The following ASAH1 variants were observed in gnomAD, a reference collection of about 807,000 sequenced individuals.
The protein encoded by ASAH1 is acid ceramidase.
In ASAH1, 70 loss-of-function variants were observed where a neutral mutation model predicts 59.5. That is an observed-to-expected ratio of 1.18 (90% confidence interval 0.97 to 1.43). ASAH1 has a LOEUF of 1.43. Ranked by LOEUF, ASAH1 falls within the 40% of genes most tolerant of loss-of-function variation. The pLI is 0.00. For synonymous variants in ASAH1, 213 were observed against 166.5 expected, an observed-to-expected ratio of 1.28 and a Z score of -2.15; for missense variants, 660 against 482.5, an observed-to-expected ratio of 1.37 and a Z score of -3.45.
intron 2 of ASAH1, among the ~76,000 whole-genome samples, chr8:18,073,512 C>G (rs1042094224): frequency 6.6e-6 from 1 of 152,176 alleles, no homozygotes; most frequent in African/African-American, 2.4e-5. Flanking sequence ...CACACATATA[C>G]AAATAAGAGA....
chr8:18,082,031 G>A (rs899495763), intron 1 of ASAH1, among the ~76,000 whole-genome samples: 2 of 152,146 alleles, frequency 1.3e-5, no homozygotes, highest in African/African-American at 2.4e-5. Flanking sequence ...TTAAGAACAC[G>A]TTTGCAACAA....
intron 10 of ASAH1, chr8:18,061,140 G>A: frequency 2.6e-6 from 1 of 385,544 alleles, no homozygotes; most frequent in Non-Finnish European, 4.8e-6. Context: ...AATATTCATA[G>A]GTGCCTTTCA....
rs1385718166 is a variant in ASAH1, at chr8:18,056,605, G to C, written c.*929C>G. On this transcript the variant is annotated 3_prime_UTR_variant, in exon 14 of 14. Coordinates refer to ENST00000637790, the MANE Select transcript of ASAH1 (RefSeq NM_177924.5). ...GTTCTATTAGTACTTTTCATAAGCAGTTTGATTTCTGAAAAATACAGTAAC... is the reference window on the plus strand; with the variant it reads ...GTTCTATTAGTACTTTTCATAAGCACTTTGATTTCTGAAAAATACAGTAAC... 3.9e-5 allele frequency: 6 copies of C among 152,170 alleles called. No homozygotes were observed. Among genetic ancestry groups the C allele is most frequent in the African/African-American group, 1.4e-4 (6 of 41,422 alleles). The allele number at this position is 152,170 out of a possible 1,614,324, so 9.4% of individuals were successfully genotyped here.
chr8:18,081,491 T>C (rs1800651039), intron 1 of ASAH1, among the ~76,000 whole-genome samples: 2 of 152,228 alleles, frequency 1.3e-5, no homozygotes, highest in Admixed American at 1.3e-4. Flanking sequence ...TCTGAATCCT[T>C]AATAAGAGTC....
At position 18,061,383 on chromosome 8, in the gene ASAH1, C is replaced by G; in HGVS notation, c.779G>C (p.Ser260Thr). 6.2e-7 allele frequency: 1 copy of G among 1,610,504 alleles called. No individual in the cohort carries two copies. The highest frequency in any genetic ancestry group is 8.5e-7 in the Non-Finnish European group (1 of 1,176,648). The change falls in exon 10 of 14, where the codon AGC (serine) becomes ACC (threonine). Residue 260 changes from serine to threonine, a missense_variant. Ser to Thr is a moderately conservative substitution (Grantham distance 58, BLOSUM62 1). Coordinates refer to ENST00000637790, the MANE Select transcript of ASAH1 (RefSeq NM_177924.5). The stretch of plus-strand genomic sequence containing the variant: ...AAGCAACGAAACACTTTACCTTGTG[C>G]TATTTTCCAGAACTGTTCTAGTGAG... Reference protein sequence around the residue: ...GFLTRTVLENSTSYEEAKNLL... With the variant: ...GFLTRTVLENTTSYEEAKNLL...
At chr8:18,073,291 C>G in intron 2 of ASAH1, 4 of 1,567,356 alleles carry the variant, frequency 2.6e-6, no homozygotes, top group Non-Finnish European at 3.5e-6. Context: ...ATGAAAAATG[C>G]AAAAATAAAA....
intron 1 of ASAH1, among the ~76,000 whole-genome samples, chr8:18,080,581 C>T (rs959980078): frequency 4.6e-5 from 7 of 152,096 alleles, no homozygotes; most frequent in African/African-American, 9.7e-5. Flanking sequence ...TTTTCTGTGA[C>T]GAAGTTTCGC....
chr8:18,082,120 C>A (rs982589654), intron 1 of ASAH1, among the ~76,000 whole-genome samples: 1 of 152,160 alleles, frequency 6.6e-6, no homozygotes, highest in Non-Finnish European at 1.5e-5. Context: ...TCTTATTTTT[C>A]CAGTTTCATT....
chr8:18,061,165 C>T (rs530392735), intron 10 of ASAH1: 8 of 454,388 alleles, frequency 1.8e-5, no homozygotes, highest in Non-Finnish European at 3.2e-5. Context: ...GTCAGTATCC[C>T]TAGTGCTTTT....
At chr8:18,071,512 A>T (rs1800177697) in intron 2 of ASAH1, 122 bp from the exon 3 acceptor site, 2 of 668,728 alleles carry the variant, frequency 3.0e-6, no homozygotes, top group Non-Finnish European at 5.3e-6. Context: ...TTGGTTACCC[A>T]AACCAAAATT....
At position 18,071,338 on chromosome 8, in the gene ASAH1, T is replaced by C. The variant is rs1800165402; in HGVS notation, c.178A>G (p.Lys60Glu). 6 of 1,605,244 alleles carry C rather than the reference T, an allele frequency of 3.7e-6. No homozygotes were observed. The South Asian group carries it at 4.4e-5, about 12-fold the overall frequency. Residue 60 changes from lysine to glutamate, a missense_variant, in exon 3 of 14, where the codon AAA becomes GAA. By Grantham distance (56) the Lys-to-Glu change is moderately conservative. Coordinates refer to ENST00000637790, the MANE Select transcript of ASAH1 (RefSeq NM_177924.5). ...TCAAGCATCAATTCATGCCATCTTT[T>C]GTAGGGTGGTAAGTCAAGATTTATG... is the stretch of plus-strand genomic sequence containing the variant. Reference protein sequence around the residue: ...YTINLDLPPYKRWHELMLDKA... With the variant: ...YTINLDLPPYERWHELMLDKA...
chr8:18,073,154 G>T, intron 2 of ASAH1: 1 of 1,099,300 alleles, frequency 9.1e-7, no homozygotes, highest in Non-Finnish European at 1.3e-6. Context: ...CTAAAGCTTA[G>T]CCATAATTGC....
chr8:18,065,255 A>T (rs920148831), intron 5 of ASAH1: 1 of 151,884 alleles, frequency 6.6e-6, no homozygotes, highest in African/African-American at 2.4e-5. Context: ...TATTCTTCTT[A>T]ATCCATAAGG....
upstream of ASAH1, chr8:18,084,639 G>T: frequency 6.2e-7 from 1 of 1,611,652 alleles, no homozygotes. Context: ...AGAGAGAATC[G>T]AATCCACTCG....
intron 1 of ASAH1, among the ~76,000 whole-genome samples, chr8:18,080,893 T>G (rs1198741999): frequency 1.3e-5 from 2 of 152,326 alleles, no homozygotes; most frequent in East Asian, 3.9e-4. Context: ...CTCCTCTTCT[T>G]GACACATACA....
Position 18,084,097 on chromosome 8 carries a change from A to T in ASAH1, c.-39T>A, listed in dbSNP as rs775064360. 27 of 1,596,714 alleles carry T rather than the reference A, an allele frequency of 1.7e-5. No homozygotes were observed. The highest frequency in any genetic ancestry group is 2.3e-5 in the Non-Finnish European group (27 of 1,179,092). ...AACGCCACTCCCCGGACTCCAGCAG[A>T]GGCAAAGAAGAGCCGGCTGGGCCGG... is the stretch of plus-strand genomic sequence containing the variant. On this transcript the variant is annotated 5_prime_UTR_variant, in exon 1 of 14. Transcript: ENST00000637790.
chr8:18,059,402 G>A lies in ASAH1; in HGVS notation c.980C>T (p.Pro327Leu). 6.2e-7 allele frequency: 1 copy of A among 1,614,178 alleles called. No homozygotes were observed. Among genetic ancestry groups the A allele is most frequent in the East Asian group, 2.2e-5 (1 of 44,880 alleles). Reference sequence around the variant, plus strand: ...CGTTCTGCGATCATCAAGGAAGAAGGGATGTTTCCAACGGTCATAATTTGT... The same window carrying A: ...CGTTCTGCGATCATCAAGGAAGAAGAGATGTTTCCAACGGTCATAATTTGT... ...VQTNYDRWKHPFFLDDRRTPA... is the reference protein window; with the variant it reads ...VQTNYDRWKHLFFLDDRRTPA... The change falls in exon 12 of 14, where the codon CCC (proline) becomes CTC (leucine). Residue 327 changes from proline to leucine, a missense_variant. By Grantham distance (98) the Pro-to-Leu change is moderately conservative. Coordinates refer to ENST00000637790, the MANE Select transcript of ASAH1 (RefSeq NM_177924.5).
chr8:18,061,826 T>C (rs1168859302), intron 8 of ASAH1, 86 bp from the exon 9 acceptor site: 3 of 1,270,832 alleles, frequency 2.4e-6, no homozygotes, highest in East Asian at 2.5e-5. Flanking sequence ...GAGTGGGATA[T>C]AAAGGCCTAG....
chr8:18,059,026 G>T, intron 12 of ASAH1, 135 bp from the exon 13 acceptor site: 1 of 813,672 alleles, frequency 1.2e-6, no homozygotes, highest in South Asian at 1.6e-5. Flanking sequence ...GAGTTTCTGT[G>T]GGAGTCACTG....
Sources: allele counts gnomAD v4.1 joint callset (sites outside exome capture counted in the v4.1 genomes callset), GRCh38; gene constraint gnomAD v4.1.1; transcripts MANE v1.5; gene names NCBI Gene and HGNC (gene_info 2026-07-23, HGNC 2026-07-21).